Variants in TBCEL observed in about 807,000 individuals in gnomAD.
The protein encoded by TBCEL is tubulin folding cofactor E like.
TBCEL carries 15 observed loss-of-function variants against 44.2 expected under a neutral mutation model. The observed-to-expected ratio is 0.34, with a 90% confidence interval of 0.23 to 0.52. TBCEL has a LOEUF of 0.52. TBCEL is among the 20% of genes least tolerant of loss of function. The pLI is 0.95. For synonymous variants in TBCEL, 171 were observed against 185.4 expected, an observed-to-expected ratio of 0.92 and a Z score of 0.63; for missense variants, 319 against 506.3, an observed-to-expected ratio of 0.63 and a Z score of 3.55.
chr11:121,089,403 G>A lies in TBCEL; in HGVS notation c.*2307G>A, dbSNP rs1475518369. ...AAGGGAGCTTCTCATTTAATTCAGC[G>A]GATGTGGGTATTTTTAGGGCATTGT... On this transcript the variant is annotated 3_prime_UTR_variant, in exon 9 of 9. Coordinates refer to ENST00000683345, the MANE Select transcript of TBCEL (RefSeq NM_001363644.2). 2.6e-5 allele frequency: 4 copies of A among 152,078 alleles called. No individual in the cohort carries two copies. The East Asian group carries it at 5.8e-4, about 22-fold the overall frequency. 9.4% of individuals were successfully genotyped at this position (152,078 alleles called of 1,614,324 possible). A position where few individuals can be genotyped will look rare whatever the true frequency, so the allele number is the denominator to read the frequency against.
chr11:121,050,527 T>C (rs1380166454), intron 4 of TBCEL, among the ~76,000 whole-genome samples: 2 of 151,682 alleles, frequency 1.3e-5, no homozygotes, highest in African/African-American at 4.8e-5. Context: ...TGTTTAAAAA[T>C]AATGCATTTT....
In TBCEL at chr11:121,065,118, A is replaced by T. The variant is rs546704238; in HGVS notation, c.956+5033A>T. Among the ~76,000 whole-genome samples the T allele has an allele frequency of 2.0e-5, 3 of 152,208 alleles. No individual in the cohort carries two copies. In the South Asian group the frequency reaches 6.2e-4, roughly 32 times the overall value. On this transcript the variant is annotated intron_variant, in intron 8 of 8. Transcript: ENST00000683345. ...TGGGATTATAGGTGTGAGCCATTGC[A>T]CCCGGCCCATACTTATTTTCTGTAC...
chr11:121,074,744 C>CT (rs1025694280), intron 8 of TBCEL, among the ~76,000 whole-genome samples: 2 of 151,960 alleles, frequency 1.3e-5, no homozygotes, highest in African/African-American at 4.8e-5. Context: ...TTCCTGACTC[C>CT]TACCCTCTGG....
intron 1 of TBCEL, among the ~76,000 whole-genome samples, chr11:121,034,789 C>A (rs1199253232): frequency 1.3e-5 from 2 of 152,068 alleles, no homozygotes; most frequent in Non-Finnish European, 2.9e-5. Context: ...TGATTAATCG[C>A]CCACTGAGTA....
At chr11:121,055,397 GT>G in intron 6 of TBCEL, 89 bp downstream of exon 6, 1 of 1,339,142 alleles carries the variant, frequency 7.5e-7, no homozygotes. Context: ...TTCAGTCACA[GT>G]TTTACCTTTT....
rs1445716836 is a variant in TBCEL at position 121,088,687 on chromosome 11, A to G, written c.*1591A>G. The G allele has an allele frequency of 6.6e-6, 1 of 152,102 alleles. No homozygotes were observed. The highest frequency in any genetic ancestry group is 2.4e-5 in the African/African-American group (1 of 41,422). 9.4% of individuals were successfully genotyped at this position (152,102 alleles called of 1,614,324 possible). ...TATGAAATTTTTAGGTGACTTGTAA[A>G]TTCTTCATGTATGAGGAGTTGTGTT... On this transcript the variant is annotated 3_prime_UTR_variant, in exon 9 of 9. Transcript: ENST00000683345.
chr11:121,076,430 G>A (rs1946034808), intron 8 of TBCEL, among the ~76,000 whole-genome samples: 1 of 151,694 alleles, frequency 6.6e-6, no homozygotes, highest in Admixed American at 6.6e-5. Flanking sequence ...ATGTATCTTG[G>A]CCCTGTTATA....
Position 121,065,784 on chromosome 11 carries a change from C to CCAGCA in TBCEL, c.956+5711_956+5715dup, listed in dbSNP as rs1209646898. 1.1e-3 allele frequency among the ~76,000 whole-genome samples: 175 copies of CCAGCA among 152,330 alleles called. 1 individual carries two copies. Among genetic ancestry groups the CCAGCA allele is most frequent in the Non-Finnish European group, 2.8e-4 (19 of 68,034 alleles). ...TTTCTCAACAGCACTCTCTAAATCA[C>CCAGCA]CAGCACAGCACAGCACTCTCTAAAA... On this transcript the variant is annotated intron_variant, in intron 8 of 8. Transcript: ENST00000683345.
rs1945830173 is a variant in TBCEL at position 121,066,832 on chromosome 11, GA to G, written c.956+6749del. Among the ~76,000 whole-genome samples, 4 of 152,244 alleles carry G rather than the reference GA, an allele frequency of 2.6e-5. No homozygotes were observed. The East Asian group carries it at 7.7e-4, about 29-fold the overall frequency. The stretch of plus-strand genomic sequence containing the variant: ...TACTGTGTATAGTTAGTAAAAGGTG[GA>G]ATTTGACCCTCTACATCATTCAGTG... On this transcript the variant is annotated intron_variant, in intron 8 of 8. Transcript: ENST00000683345.
intron 4 of TBCEL, among the ~76,000 whole-genome samples, chr11:121,049,730 G>A (rs1474379721): frequency 1.3e-5 from 2 of 151,774 alleles, no homozygotes; most frequent in East Asian, 1.9e-4. Context: ...CCTGGACCAT[G>A]TATATAAGCT....
chr11:121,083,273 A>C (rs1946158960), intron 8 of TBCEL, among the ~76,000 whole-genome samples: 1 of 152,152 alleles, frequency 6.6e-6, no homozygotes, highest in African/African-American at 2.4e-5. Flanking sequence ...ACGTAGGAAG[A>C]TAATGAGTGG....
intron 2 of TBCEL, among the ~76,000 whole-genome samples, chr11:121,040,251 C>T (rs953805680): frequency 6.6e-5 from 10 of 152,276 alleles, no homozygotes; most frequent in Admixed American, 2.0e-4. Flanking sequence ...TAGCTTATGG[C>T]TCCAGAATCA....
At chr11:121,046,878 A>G (rs979057238) in intron 3 of TBCEL, among the ~76,000 whole-genome samples, 14 of 152,078 alleles carry the variant, frequency 9.2e-5, no homozygotes, top group South Asian at 6.2e-4. Context: ...ACTTTCTTCC[A>G]TTACAGTTAA....
intron 2 of TBCEL, among the ~76,000 whole-genome samples, chr11:121,040,473 T>G (rs1188031018): frequency 3.3e-5 from 5 of 152,128 alleles, no homozygotes; most frequent in African/African-American, 4.8e-5. Flanking sequence ...GGCAGCCTGC[T>G]CACCTTCATC....
intron 2 of TBCEL, among the ~76,000 whole-genome samples, chr11:121,041,314 A>C (rs1359847627): frequency 6.6e-6 from 1 of 152,178 alleles, no homozygotes; most frequent in East Asian, 1.9e-4. Flanking sequence ...TTCTGTTCTG[A>C]TTTTAATGTA....
In TBCEL at chr11:121,067,868, G is replaced by A. The variant is rs138406478; in HGVS notation, c.956+7783G>A. On this transcript the variant is annotated intron_variant, in intron 8 of 8. Coordinates refer to ENST00000683345, the MANE Select transcript of TBCEL (RefSeq NM_001363644.2). ...AATTTATTTACTGAATACCTACTAA[G>A]GACCAAGAGGCACTGGGCTTCAAGC... Among the ~76,000 whole-genome samples the A allele has an allele frequency of 6.3e-3, 964 of 152,286 alleles. 11 individuals carry two copies. The highest frequency in any genetic ancestry group is 0.021 in the African/African-American group (882 of 41,544).
chr11:121,049,281 A>C lies in TBCEL; in HGVS notation c.273+1614A>C, dbSNP rs150078441. 3.1e-3 allele frequency among the ~76,000 whole-genome samples: 468 copies of C among 151,986 alleles called. 19 individuals carry two copies. The highest frequency in any genetic ancestry group is 0.027 in the Admixed American group (408 of 15,234). ...ATAAGGTAGGCTTGCCGATAAAATT[A>C]ATCATTGAAACACTTAGTAGATATT... is the stretch of plus-strand genomic sequence containing the variant. On this transcript the variant is annotated intron_variant, in intron 4 of 8. Coordinates refer to ENST00000683345, the MANE Select transcript of TBCEL (RefSeq NM_001363644.2).
At chr11:121,079,674 G>A (rs558457350) in intron 8 of TBCEL, among the ~76,000 whole-genome samples, 1 of 152,050 alleles carries the variant, frequency 6.6e-6, no homozygotes, top group African/African-American at 2.4e-5. Flanking sequence ...GTTGTAGAAT[G>A]TTTCTTTGAT....
At chr11:121,076,894 C>T (rs949983528) in intron 8 of TBCEL, among the ~76,000 whole-genome samples, 1 of 152,018 alleles carries the variant, frequency 6.6e-6, no homozygotes, top group African/African-American at 2.4e-5. Flanking sequence ...AATGCTTCTT[C>T]TGCATCTATT....
Sources: gnomAD v4.1 joint callset for allele counts (sites outside exome capture counted in the v4.1 genomes callset) on GRCh38, gnomAD v4.1.1 for gene constraint, MANE v1.5 for transcripts, NCBI Gene and HGNC (gene_info 2026-07-23, HGNC 2026-07-21) for gene names.